CAMTA1: variants seen among roughly 807,000 people sequenced by gnomAD.
CAMTA1 encodes calmodulin-binding transcription activator 1.
Under a neutral mutation model 170.9 loss-of-function variants are expected in CAMTA1, and 27 were observed. The observed-to-expected ratio is 0.16, with a 90% CI of 0.12 to 0.22. CAMTA1 has a LOEUF of 0.22. Ranked by LOEUF, CAMTA1 falls within the 10% of genes least tolerant of loss-of-function variation. The pLI is 1.00. For missense variants in CAMTA1, 1,619 were observed against 2,217.2 expected (o/e 0.73, Z 5.42); for synonymous variants, 833 against 891.5 (o/e 0.93, Z 1.17).
intron 5 of CAMTA1, among the ~76,000 whole-genome samples, chr1:7,294,045 C>A (rs922770199): frequency 6.6e-6 from 1 of 152,222 alleles, no homozygotes; most frequent in Non-Finnish European, 1.5e-5. Flanking sequence ...TTCCTCATTT[C>A]TATGCAGAGG....
intron 4 of CAMTA1, among the ~76,000 whole-genome samples, chr1:7,142,450 G>C (rs1645943049): frequency 6.6e-6 from 1 of 152,194 alleles, no homozygotes; most frequent in Non-Finnish European, 1.5e-5. Context: ...CCCCTCTGTG[G>C]GCAGAAGGTG....
intron 3 of CAMTA1, among the ~76,000 whole-genome samples, chr1:6,904,952 A>G (rs1413889874): frequency 6.6e-6 from 1 of 151,634 alleles, no homozygotes; most frequent in Non-Finnish European, 1.5e-5. Flanking sequence ...CCAAAGCCAA[A>G]CATTCTTTCT....
chr1:6,905,675 G>T (rs1166724930), intron 3 of CAMTA1, among the ~76,000 whole-genome samples: 1 of 152,130 alleles, frequency 6.6e-6, no homozygotes, highest in African/African-American at 2.4e-5. Context: ...CCTCTTCTCT[G>T]TATTGTCCGT....
chr1:7,235,942 A>C (rs1275928028), intron 4 of CAMTA1, among the ~76,000 whole-genome samples: 2 of 152,222 alleles, frequency 1.3e-5, no homozygotes, highest in Non-Finnish European at 2.9e-5. Context: ...GTATGGCTCT[A>C]GCTGGAATGT....
intron 6 of CAMTA1, among the ~76,000 whole-genome samples, chr1:7,573,659 C>T (rs1043782676): frequency 1.3e-5 from 2 of 152,218 alleles, no homozygotes; most frequent in Non-Finnish European, 1.5e-5. Context: ...ACTCTGATCT[C>T]GGCCTGTGTC....
At position 7,626,094 on chromosome 1, in the gene CAMTA1, G is replaced by A. The variant is rs79257670; in HGVS notation, c.511-14306G>A. ...GCCACAATTACTTCAGTGATTACACGTTATCTTGTCCTACCAAGGTATTAA... is the reference window on the plus strand; with the variant it reads ...GCCACAATTACTTCAGTGATTACACATTATCTTGTCCTACCAAGGTATTAA... On this transcript the variant is annotated intron_variant, in intron 6 of 22. Coordinates refer to ENST00000303635, the MANE Select transcript of CAMTA1 (RefSeq NM_015215.4). Among the ~76,000 whole-genome samples the A allele has an allele frequency of 8.8e-3, 1,343 of 152,228 alleles. 15 individuals are homozygous for A. Among genetic ancestry groups the A allele is most frequent in the African/African-American group, 0.03 (1,233 of 41,542 alleles).
intron 3 of CAMTA1, among the ~76,000 whole-genome samples, chr1:6,877,598 G>C (rs1032476093): frequency 6.6e-6 from 1 of 152,160 alleles, no homozygotes; most frequent in Non-Finnish European, 1.5e-5. Flanking sequence ...GCTGTGTGAT[G>C]CTCCTCAGAA....
At chr1:7,345,273 T>C (rs1018609117) in intron 5 of CAMTA1, among the ~76,000 whole-genome samples, 1 of 152,252 alleles carries the variant, frequency 6.6e-6, no homozygotes, top group African/African-American at 2.4e-5. Context: ...CACTTCTTAG[T>C]CTTGTTTCAG....
intron 5 of CAMTA1, among the ~76,000 whole-genome samples, chr1:7,276,299 A>ATTTTTTTTTTT (rs1440153127): frequency 9.3e-5 from 2 of 21,394 alleles, no homozygotes; most frequent in African/African-American, 9.7e-4. Context: ...ATATATATAT[A>ATTTTTTTTTTT]TATATTTTTT....
intron 2 of CAMTA1, among the ~76,000 whole-genome samples, chr1:6,821,744 C>T (rs1050099743): frequency 7.2e-5 from 11 of 151,974 alleles, no homozygotes; most frequent in Non-Finnish European, 1.5e-4. Context: ...ACAGAATTTT[C>T]GAAGGAAAAG....
At chr1:6,900,977 A>G (rs1343841875) in intron 3 of CAMTA1, among the ~76,000 whole-genome samples, 1 of 152,246 alleles carries the variant, frequency 6.6e-6, no homozygotes, top group Non-Finnish European at 1.5e-5. Flanking sequence ...GCTAGGAGAT[A>G]GCCTGATTTC....
chr1:7,338,148 A>T (rs1250756801), intron 5 of CAMTA1, among the ~76,000 whole-genome samples: 1 of 151,900 alleles, frequency 6.6e-6, no homozygotes, highest in African/African-American at 2.4e-5. Flanking sequence ...CCTCCTCCAG[A>T]TTTTGGGGCT....
In CAMTA1 at chr1:7,532,442, C is replaced by T. The variant is rs1223219276; in HGVS notation, c.510+64541C>T. 6.6e-6 allele frequency among the ~76,000 whole-genome samples: 1 copy of T among 151,986 alleles called. No individual in the cohort carries two copies. The highest frequency in any genetic ancestry group is 6.5e-5 in the Admixed American group (1 of 15,268). ...TCCCAAGTATCTGGGACTACAGGCA[C>T]ACACCCCTGTGCCCAGCTAATTTTT... On this transcript the variant is annotated intron_variant, in intron 6 of 22. Transcript: ENST00000303635. This position sits in a 1 kb window ranked among gnomAD's most constrained non-coding sequence, Gnocchi z 4.2.
At chr1:7,062,608 G>A (rs2101771904) in intron 3 of CAMTA1, among the ~76,000 whole-genome samples, 1 of 152,294 alleles carries the variant, frequency 6.6e-6, no homozygotes, top group East Asian at 1.9e-4. Flanking sequence ...GTGGGGAGCC[G>A]TGGGCCCGGG....
intron 3 of CAMTA1, among the ~76,000 whole-genome samples, chr1:6,870,036 G>T (rs1248443349): frequency 6.6e-6 from 1 of 152,034 alleles, no homozygotes; most frequent in African/African-American, 2.4e-5. Context: ...TAATGAAGGA[G>T]GTACATAGAG....
chr1:7,004,248 T>C (rs115285686), intron 3 of CAMTA1, among the ~76,000 whole-genome samples: 1 of 152,124 alleles, frequency 6.6e-6, no homozygotes, highest in Non-Finnish European at 1.5e-5. Context: ...TTTTCTTTTC[T>C]TTTTTTTCCC....
chr1:7,564,287 C>G (rs2095004743), intron 6 of CAMTA1, among the ~76,000 whole-genome samples: 1 of 152,238 alleles, frequency 6.6e-6, no homozygotes, highest in African/African-American at 2.4e-5. Flanking sequence ...GAGACGCCAA[C>G]TCAGCTCTAA....
At chr1:7,494,776 C>T (rs979734068) in intron 6 of CAMTA1, among the ~76,000 whole-genome samples, 13 of 151,924 alleles carry the variant, frequency 8.6e-5, no homozygotes, top group African/African-American at 2.4e-4. Flanking sequence ...TGCACTCCAG[C>T]GTGGGTGACA....
At chr1:7,721,810 C>T (rs1388700053) in intron 11 of CAMTA1, among the ~76,000 whole-genome samples, 4 of 152,134 alleles carry the variant, frequency 2.6e-5, no homozygotes, top group African/African-American at 7.2e-5. Flanking sequence ...GATGGGGTTT[C>T]GCCATGTTGG....
Sources: allele counts gnomAD v4.1 joint callset (sites outside exome capture counted in the v4.1 genomes callset), GRCh38; gene constraint gnomAD v4.1.1; non-coding constraint Gnocchi (gnomAD v3.1); transcripts MANE v1.5; gene names NCBI Gene and HGNC (gene_info 2026-07-23, HGNC 2026-07-21).